The following GRIK1 variants were observed in gnomAD, a reference collection of about 807,000 sequenced individuals.
GRIK1 encodes the protein glutamate receptor ionotropic, kainate 1.
GRIK1 carries 69 observed loss-of-function variants against 105.7 expected under a neutral mutation model. The observed-to-expected ratio is 0.65, with a 90% CI of 0.54 to 0.80. GRIK1 has a LOEUF of 0.80. Ranked by LOEUF, GRIK1 falls within the 30% of genes least tolerant of loss-of-function variation. The pLI, the probability that GRIK1 is intolerant of heterozygous loss-of-function variation, is 0.00. For synonymous variants in GRIK1, 438 were observed against 431.3 expected (o/e 1.02, Z -0.19); for missense variants, 1,109 against 1,167.3 (o/e 0.95, Z 0.73).
chr21:29,931,779 T>C (rs2071574583), intron 1 of GRIK1, among the ~76,000 whole-genome samples: 1 of 152,140 alleles, frequency 6.6e-6, no homozygotes, highest in Admixed American at 6.6e-5. Flanking sequence ...TACATGTGTG[T>C]GTGTACCAAC....
At chr21:29,697,118 T>C (rs1326414292) in intron 1 of GRIK1, among the ~76,000 whole-genome samples, 1 of 152,230 alleles carries the variant, frequency 6.6e-6, no homozygotes, top group Non-Finnish European at 1.5e-5. Context: ...ATGTAAATGT[T>C]TTCATTTCAT....
At chr21:29,879,740 C>G (rs1246442760) in intron 1 of GRIK1, among the ~76,000 whole-genome samples, 1 of 152,032 alleles carries the variant, frequency 6.6e-6, no homozygotes, top group Non-Finnish European at 1.5e-5. Context: ...CTTTAAGGAG[C>G]TAGTTTATTA....
At chr21:29,682,347 A>G (rs181194238) in intron 3 of GRIK1, among the ~76,000 whole-genome samples, 26 of 152,302 alleles carry the variant, frequency 1.7e-4, no homozygotes, top group African/African-American at 6.3e-4. Flanking sequence ...AATGTTCTCA[A>G]TATCCACATA....
intron 16 of GRIK1, among the ~76,000 whole-genome samples, chr21:29,539,879 G>C (rs1239737700): frequency 6.6e-6 from 1 of 152,086 alleles, no homozygotes; most frequent in Non-Finnish European, 1.5e-5. Context: ...AGTATATCTG[G>C]ACTGCCCAAA....
chr21:29,827,176 G>T (rs1376358197), intron 1 of GRIK1, among the ~76,000 whole-genome samples: 1 of 152,060 alleles, frequency 6.6e-6, no homozygotes, highest in Admixed American at 6.6e-5. Context: ...ACTTAATAAA[G>T]AAATGCAGTG....
chr21:29,809,405 A>G (rs1290884633), intron 1 of GRIK1, among the ~76,000 whole-genome samples: 1 of 152,194 alleles, frequency 6.6e-6, no homozygotes, highest in Non-Finnish European at 1.5e-5. Context: ...CCTTGATTTA[A>G]AAATGCTTTA....
chr21:29,695,771 C>T (rs1297855359), intron 1 of GRIK1, among the ~76,000 whole-genome samples: 1 of 152,160 alleles, frequency 6.6e-6, no homozygotes, highest in Non-Finnish European at 1.5e-5. Context: ...CCGTGCCTGG[C>T]CCAGGCTGCT....
At chr21:29,694,117 AT>A (rs11434895) in intron 1 of GRIK1, 54 bp from the exon 2 acceptor site, 17,342 of 427,940 alleles carry the variant, frequency 0.041, 3 homozygotes, top group South Asian at 0.045. Context: ...TTCACATGTA[AT>A]TTTTTTTTTT....
chr21:29,913,672 A>AATATAT lies in GRIK1; in HGVS notation c.118+25705_118+25710dup, dbSNP rs60924907. On this transcript the variant is annotated intron_variant, in intron 1 of 17. Coordinates refer to ENST00000327783, the MANE Select transcript of GRIK1 (RefSeq NM_001330994.2). ...GTAGATTTAAATTAAAGAAACACTA[A>AATATAT]ATATATATATATATATATATATTTG... is the stretch of plus-strand genomic sequence containing the variant. Among the ~76,000 whole-genome samples the AATATAT allele has an allele frequency of 5.7e-3, 823 of 144,574 alleles. 3 individuals carry two copies. The highest frequency in any genetic ancestry group is 0.02 in the African/African-American group (792 of 39,542). The allele number at this position is 144,574 out of a possible 152,430, so 94.8% of individuals were successfully genotyped here. A position where few individuals can be genotyped will look rare whatever the true frequency, so the allele number is the denominator to read the frequency against.
At chr21:29,579,188 A>G (rs993872160) in intron 13 of GRIK1, among the ~76,000 whole-genome samples, 43 of 152,230 alleles carry the variant, frequency 2.8e-4, no homozygotes, top group African/African-American at 9.2e-4. Context: ...ATAGAAACGT[A>G]TTGAGATTAC....
At chr21:29,797,786 C>T (rs1327848393) in intron 1 of GRIK1, among the ~76,000 whole-genome samples, 1 of 152,134 alleles carries the variant, frequency 6.6e-6, no homozygotes, top group African/African-American at 2.4e-5. Flanking sequence ...TTAACAATGT[C>T]CCGCCTAGAT....
intron 1 of GRIK1, among the ~76,000 whole-genome samples, chr21:29,709,090 A>G (rs532129116): frequency 6.6e-6 from 1 of 152,124 alleles, no homozygotes; most frequent in Non-Finnish European, 1.5e-5. Flanking sequence ...CTACACACAT[A>G]TATGTCTATA....
At chr21:29,914,162 C>T (rs1289174725) in intron 1 of GRIK1, among the ~76,000 whole-genome samples, 1 of 151,942 alleles carries the variant, frequency 6.6e-6, no homozygotes, top group Non-Finnish European at 1.5e-5. Context: ...GCACCCATCC[C>T]CAAGTTGTGA....
In GRIK1 at chr21:29,602,727, C is replaced by T. The variant is rs1465875173; in HGVS notation, c.1099-3790G>A. Reference sequence around the variant, plus strand: ...CACTAATGCAAAGTAAGAAATGATGCGAAATGAGCCTAGGAAGGCAAGTAG... The same window carrying T: ...CACTAATGCAAAGTAAGAAATGATGTGAAATGAGCCTAGGAAGGCAAGTAG... On this transcript the variant is annotated intron_variant, in intron 7 of 17. Transcript: ENST00000327783. Among the ~76,000 whole-genome samples, 5 of 152,036 alleles carry T rather than the reference C, an allele frequency of 3.3e-5. No homozygotes were observed. The East Asian group carries it at 7.7e-4, about 23-fold the overall frequency.
intron 1 of GRIK1, among the ~76,000 whole-genome samples, chr21:29,898,995 A>G (rs1427172901): frequency 6.6e-6 from 1 of 152,122 alleles, no homozygotes; most frequent in Non-Finnish European, 1.5e-5. Context: ...TTGTGAAAAC[A>G]TCTACTTATA....
chr21:29,786,627 T>C (rs2066268196), intron 1 of GRIK1, among the ~76,000 whole-genome samples: 1 of 152,226 alleles, frequency 6.6e-6, no homozygotes, highest in Non-Finnish European at 1.5e-5. Context: ...GAAAAGTCTC[T>C]CTGGTATTGC....
At chr21:29,580,595 T>A (rs1250497672) in intron 13 of GRIK1, among the ~76,000 whole-genome samples, 2 of 152,214 alleles carry the variant, frequency 1.3e-5, no homozygotes, top group African/African-American at 4.8e-5. Flanking sequence ...ACATGTTTAA[T>A]GTATATCCCA....
At chr21:29,673,833 A>AT (rs1324969956) in intron 3 of GRIK1, among the ~76,000 whole-genome samples, 1 of 152,174 alleles carries the variant, frequency 6.6e-6, no homozygotes, top group African/African-American at 2.4e-5. Flanking sequence ...AAAATTCCCT[A>AT]TTGGTTATTG....
chr21:29,610,426 T>A (rs922003174), intron 7 of GRIK1, among the ~76,000 whole-genome samples: 1 of 151,930 alleles, frequency 6.6e-6, no homozygotes, highest in African/African-American at 2.4e-5. Context: ...CCAGGAAGGG[T>A]CAGAGAGACA....
Sources: gnomAD v4.1 joint callset for allele counts (sites outside exome capture counted in the v4.1 genomes callset) on GRCh38, gnomAD v4.1.1 for gene constraint, MANE v1.5 for transcripts, NCBI Gene and HGNC (gene_info 2026-07-23, HGNC 2026-07-21) for gene names.